LRRCC1: variants seen among roughly 807,000 people sequenced by gnomAD.
LRRCC1 encodes leucine rich repeat and coiled-coil centrosomal protein 1, also known as leucine-rich repeat and coiled-coil domain-containing protein 1.
LRRCC1 carries 115 observed loss-of-function variants against 126.0 expected under a neutral mutation model. The observed-to-expected ratio is 0.91, with a 90% CI of 0.78 to 1.07. The LOEUF (loss-of-function observed/expected upper bound fraction) is 1.07. Among genes scored for constraint, LRRCC1 ranks in the 50% least tolerant of loss-of-function variants. The pLI, the probability that LRRCC1 is intolerant of heterozygous loss-of-function variation, is 0.00. For missense variants in LRRCC1, 1,172 were observed against 1,175.7 expected (o/e 1.00, Z 0.05); for synonymous variants, 400 against 393.4 (o/e 1.02, Z -0.20).
chr8:85,131,063 G>A (rs918541497), intron 11 of LRRCC1, among the ~76,000 whole-genome samples: 2 of 152,054 alleles, frequency 1.3e-5, no homozygotes, highest in African/African-American at 2.4e-5. Context: ...TATTTATTCC[G>A]AAACCTGTTT....
chr8:85,123,423 C>A lies in LRRCC1; in HGVS notation c.941C>A (p.Ser314Ter), dbSNP rs1432905737. 1 of 1,584,300 alleles carries A rather than the reference C, an allele frequency of 6.3e-7. No individual in the cohort carries two copies. Among genetic ancestry groups the A allele is most frequent in the Non-Finnish European group, 8.5e-7 (1 of 1,171,046 alleles). The change falls in exon 7 of 19, where the codon TCA (serine) becomes TAA (stop). Residue 314 changes from serine to a stop codon, truncating the protein, a stop_gained. Transcript: ENST00000360375. LOFTEE classifies it high-confidence loss of function. ...CTTTTTAAATTTTAGACTTCTAATT[C>A]AATAGATAACGTTCTTGAGAAAGAC... ...ILQLLNETSN[S>*]IDNVLEKDPR...
At chr8:85,111,170 G>A (rs1013363068) in intron 3 of LRRCC1, among the ~76,000 whole-genome samples, 2 of 152,142 alleles carry the variant, frequency 1.3e-5, no homozygotes, top group Non-Finnish European at 2.9e-5. Flanking sequence ...CTGAGATAGG[G>A]AGTTCAAAAC....
chr8:85,136,464 G>C (rs1002914913), intron 14 of LRRCC1, among the ~76,000 whole-genome samples: 1 of 151,816 alleles, frequency 6.6e-6, no homozygotes, highest in Non-Finnish European at 1.5e-5. Flanking sequence ...TAGTATAGAC[G>C]GGGTTTAACC....
chr8:85,135,083 C>T (rs747670601), intron 13 of LRRCC1, 51 bp downstream of exon 13: 2 of 1,320,214 alleles, frequency 1.5e-6, no homozygotes, highest in African/African-American at 1.5e-5. Context: ...ATTATTTTCT[C>T]AAGTGGGTTG....
At chr8:85,113,194 C>A in intron 4 of LRRCC1, 95 bp downstream of exon 4, 1 of 878,336 alleles carries the variant, frequency 1.1e-6, no homozygotes, top group Non-Finnish European at 1.8e-6. Flanking sequence ...TTTTAGTCTT[C>A]AGCTTTGCAA....
Position 85,137,634 on chromosome 8 carries a change from T to C in LRRCC1, c.2493+7T>C, listed in dbSNP as rs996616150. The stretch of plus-strand genomic sequence containing the variant: ...TATTAGAAAATTAAAAGATGTAAGT[T>C]TGACATTTTATTTTGGTTAAAGAGC... On this transcript the variant is annotated splice_region_variant and intron_variant, in intron 15 of 18. Transcript: ENST00000360375. 4 of 1,428,378 alleles carry C rather than the reference T, an allele frequency of 2.8e-6. No individual in the cohort carries two copies. The highest frequency in any genetic ancestry group is 3.7e-6 in the Non-Finnish European group (4 of 1,088,600). The allele number at this position is 1,428,378 out of a possible 1,614,324, so 88.5% of individuals were successfully genotyped here.
intron 4 of LRRCC1, among the ~76,000 whole-genome samples, chr8:85,113,686 A>C (rs1179768983): frequency 1.3e-5 from 2 of 151,998 alleles, no homozygotes; most frequent in Admixed American, 1.3e-4. Context: ...AGAAATGAGA[A>C]AATTTTTTAC....
At chr8:85,107,937 A>G (rs1808391205) in intron 1 of LRRCC1, among the ~76,000 whole-genome samples, 1 of 152,238 alleles carries the variant, frequency 6.6e-6, no homozygotes, top group Non-Finnish European at 1.5e-5. Context: ...ATACTTTTTG[A>G]AAGTACTAAA....
At chr8:85,144,402 ATGTGTGTGTGTGTGTGTGTGTGTGTATG>A (rs1811476982) in intron 18 of LRRCC1, among the ~76,000 whole-genome samples, 5 of 138,096 alleles carry the variant, frequency 3.6e-5, no homozygotes, top group African/African-American at 8.1e-5. Context: ...TAGAGTTAAA[ATGTGTGTGTGTGTGTGTGTGTGTGTATG>A]TGTGTGTGTG....
Position 85,136,344 on chromosome 8 carries a change from G to A in LRRCC1, c.2329+381G>A, listed in dbSNP as rs1290771735. 2.0e-5 allele frequency among the ~76,000 whole-genome samples: 3 copies of A among 151,702 alleles called. No homozygotes were observed. The East Asian group carries it at 5.8e-4, about 29-fold the overall frequency. ...GGCTGGAGTGCAGTAGCGCAGTCTC[G>A]GCTTACTGCAACCTCTGCCTTCTGG... On this transcript the variant is annotated intron_variant, in intron 14 of 18. Transcript: ENST00000360375.
In LRRCC1 at chr8:85,128,029, T is replaced by C. The variant is rs75924059; in HGVS notation, c.1422-1146T>C. ...ATCTTGTGACTGAGTCATGGACAGA[T>C]AGTAGAAGAGAAAAGATATGTCTTC... On this transcript the variant is annotated intron_variant, in intron 9 of 18. Coordinates refer to ENST00000360375, the MANE Select transcript of LRRCC1 (RefSeq NM_033402.5). Among the ~76,000 whole-genome samples, 2,006 of 152,302 alleles carry C rather than the reference T, an allele frequency of 0.013. 267 individuals carry two copies. In the East Asian group the frequency reaches 0.3, roughly 23 times the overall value.
chr8:85,128,952 G>C (rs1209102888), intron 9 of LRRCC1, among the ~76,000 whole-genome samples: 1 of 151,556 alleles, frequency 6.6e-6, no homozygotes, highest in African/African-American at 2.4e-5. Flanking sequence ...CCTTTCTTTA[G>C]GCCCTTAACT....
chr8:85,138,471 C>A lies in LRRCC1; in HGVS notation c.2836C>A (p.Gln946Lys). Residue 946 changes from glutamine to lysine, a missense_variant, in exon 17 of 19, where the codon CAA becomes AAA. Physicochemically the swap from Gln to Lys is moderately conservative, Grantham distance 53 (BLOSUM62 1). Coordinates refer to ENST00000360375, the MANE Select transcript of LRRCC1 (RefSeq NM_033402.5). ...KAERDKSIEL[Q>K]KNAMEKLHSM... ...GGAAAGAGACAAAAGTATTGAACTA[C>A]AAAAGTAAGCATTAGGTTCTAAAGG... 6.2e-7 allele frequency: 1 copy of A among 1,607,758 alleles called. No individual in the cohort carries two copies. The highest frequency in any genetic ancestry group is 8.5e-7 in the Non-Finnish European group (1 of 1,178,168).
chr8:85,139,204 G>A (rs1811084688), intron 17 of LRRCC1, among the ~76,000 whole-genome samples: 4 of 152,202 alleles, frequency 2.6e-5, no homozygotes, highest in Admixed American at 2.6e-4. Flanking sequence ...ATGAGCTCCT[G>A]AGGAGGCTGG....
intron 8 of LRRCC1, among the ~76,000 whole-genome samples, chr8:85,125,919 C>G (rs929966630): frequency 3.9e-5 from 6 of 152,034 alleles, no homozygotes; most frequent in Non-Finnish European, 8.8e-5. Context: ...ATCATTATGA[C>G]TTTGGACACA....
In LRRCC1 at chr8:85,138,434, GAAACTT is replaced by G. The variant is rs1563957876; in HGVS notation, c.2803_2808del (p.Leu935_Lys936del). ...AAGAAAAATTTGAAAACAAGGAAAA[GAAACTT>G]AAAGCGGAAAGAGACAAAAGTATTG... On this transcript the variant is annotated inframe_deletion, in exon 17 of 19. Coordinates refer to ENST00000360375, the MANE Select transcript of LRRCC1 (RefSeq NM_033402.5). The G allele has an allele frequency of 1.2e-6, 2 of 1,612,534 alleles. No individual in the cohort carries two copies. Among genetic ancestry groups the G allele is most frequent in the Admixed American group, 1.7e-5 (1 of 59,768 alleles).
chr8:85,140,220 T>C (rs545167895), intron 17 of LRRCC1, among the ~76,000 whole-genome samples: 8 of 152,332 alleles, frequency 5.3e-5, no homozygotes, highest in African/African-American at 1.9e-4. Context: ...ACTGGTATAC[T>C]TTTTAATTTA....
At position 85,115,489 on chromosome 8, in the gene LRRCC1, T is replaced by C; in HGVS notation, c.835T>C (p.Ser279Pro). 6.2e-7 allele frequency: 1 copy of C among 1,613,812 alleles called. No individual in the cohort carries two copies. The highest frequency in any genetic ancestry group is 8.5e-7 in the Non-Finnish European group (1 of 1,179,796). Residue 279 changes from serine (S) to proline (P), a missense_variant, in exon 6 of 19, where the codon TCT (serine) becomes CCT (proline). Transcript: ENST00000360375. ...VLTSFMSVCQ[S>P]SEPEKNNHEN... ...GACGTCTTTTATGTCTGTGTGTCAA[T>C]CTTCTGAGCCAGAGAAAAATAATCA...
intron 18 of LRRCC1, among the ~76,000 whole-genome samples, chr8:85,144,428 A>G (rs200164524): frequency 3.1e-4 from 28 of 88,958 alleles, no homozygotes; most frequent in East Asian, 1.0e-3. Flanking sequence ...GTGTGTGTGT[A>G]TGTGTGTGTG....
Sources: gnomAD v4.1 joint callset for allele counts (sites outside exome capture counted in the v4.1 genomes callset) on GRCh38, gnomAD v4.1.1 for gene constraint, MANE v1.5 for transcripts, NCBI Gene and HGNC (gene_info 2026-07-23, HGNC 2026-07-21) for gene names.